Variants in BMPR1B observed in about 807,000 individuals in gnomAD.
The protein encoded by BMPR1B is bone morphogenetic protein receptor type-1B.
A neutral mutation model predicts 59.1 loss-of-function variants in BMPR1B; 12 were observed. That is an observed-to-expected ratio of 0.20 (90% CI 0.13 to 0.33). The LOEUF is 0.33. Among genes scored for constraint, BMPR1B ranks in the 10% least tolerant of loss-of-function variants. The probability of loss-of-function intolerance (pLI) is 1.00; values close to 1 mark genes in which losing one functional copy is unlikely to be tolerated. For synonymous variants in BMPR1B, 237 were observed against 207.3 expected (o/e 1.14, Z -1.23); for missense variants, 550 against 610.9 (o/e 0.90, Z 1.05).
intron 2 of BMPR1B, among the ~76,000 whole-genome samples, chr4:94,987,110 TATATAA>T (rs1721463410): frequency 1.5e-3 from 1 of 688 alleles, no homozygotes; most frequent in African/African-American, 3.7e-3. Context: ...TATATATGTA[TATATAA>T]TATGTATATA....
intron 3 of BMPR1B, among the ~76,000 whole-genome samples, chr4:95,056,172 G>T (rs1255707909): frequency 6.6e-6 from 1 of 151,998 alleles, no homozygotes; most frequent in African/African-American, 2.4e-5. Flanking sequence ...GGTCCAGATG[G>T]CCTCTTTTGG....
At chr4:94,938,837 G>T (rs1189268286) in intron 2 of BMPR1B, among the ~76,000 whole-genome samples, 1 of 151,898 alleles carries the variant, frequency 6.6e-6, no homozygotes, top group Non-Finnish European at 1.5e-5. Context: ...CAGACCCTGT[G>T]TCTACAATTT....
At chr4:94,784,461 T>A (rs1170074156) in intron 1 of BMPR1B, among the ~76,000 whole-genome samples, 1 of 152,210 alleles carries the variant, frequency 6.6e-6, no homozygotes, top group Admixed American at 6.5e-5. Context: ...CCTGTTTCTA[T>A]TTGAATAGTT....
intron 3 of BMPR1B, among the ~76,000 whole-genome samples, chr4:95,015,152 C>T (rs1453632708): frequency 6.6e-6 from 1 of 152,124 alleles, no homozygotes; most frequent in East Asian, 1.9e-4. Flanking sequence ...CACCTCAGCA[C>T]CCATAAACAT....
chr4:95,048,409 A>C (rs897196263), intron 3 of BMPR1B, among the ~76,000 whole-genome samples: 1 of 152,206 alleles, frequency 6.6e-6, no homozygotes, highest in Admixed American at 6.5e-5. Context: ...ACTAATTTAT[A>C]TTCCCACAAG....
chr4:95,086,763 A>G (rs1375762454), intron 3 of BMPR1B, among the ~76,000 whole-genome samples: 3 of 141,912 alleles, frequency 2.1e-5, no homozygotes, highest in Non-Finnish European at 3.2e-5. Flanking sequence ...ATGTGTCGGT[A>G]GAGAGATCAG....
intron 3 of BMPR1B, among the ~76,000 whole-genome samples, chr4:95,027,273 TA>T (rs1724494786): frequency 1.3e-5 from 2 of 152,204 alleles, no homozygotes; most frequent in African/African-American, 4.8e-5. Flanking sequence ...GTATTTTATT[TA>T]AAAATAAAGT....
intron 1 of BMPR1B, among the ~76,000 whole-genome samples, chr4:94,829,243 T>G (rs1413349704): frequency 1.3e-5 from 2 of 152,178 alleles, no homozygotes; most frequent in Admixed American, 6.5e-5. Context: ...TTCTTTAAGC[T>G]TTCTCTCTCA....
chr4:94,849,339 G>A (rs1578717617), intron 1 of BMPR1B, among the ~76,000 whole-genome samples: 1 of 152,118 alleles, frequency 6.6e-6, no homozygotes, highest in Non-Finnish European at 1.5e-5. Context: ...GTCAACGGGT[G>A]CCCTTGACAA....
chr4:94,787,534 A>G (rs1722805655), intron 1 of BMPR1B, among the ~76,000 whole-genome samples: 1 of 152,118 alleles, frequency 6.6e-6, no homozygotes, highest in South Asian at 2.1e-4. Context: ...TCGCCAGTTT[A>G]TTACACTTAG....
intron 1 of BMPR1B, among the ~76,000 whole-genome samples, chr4:94,759,333 C>T (rs1721667370): frequency 6.6e-6 from 1 of 152,184 alleles, no homozygotes; most frequent in African/African-American, 2.4e-5. Flanking sequence ...TTACCTGCAG[C>T]AAAGCAGAGC....
At chr4:94,839,630 C>T (rs1724969869) in intron 1 of BMPR1B, among the ~76,000 whole-genome samples, 1 of 147,828 alleles carries the variant, frequency 6.8e-6, no homozygotes, top group South Asian at 2.2e-4. Flanking sequence ...TTCCTCCATC[C>T]TTTTATTTTG....
At chr4:95,047,663 T>C (rs1726150533) in intron 3 of BMPR1B, among the ~76,000 whole-genome samples, 1 of 152,200 alleles carries the variant, frequency 6.6e-6, no homozygotes, top group African/African-American at 2.4e-5. Flanking sequence ...AAGGGTGGGG[T>C]TGATTAAGCT....
chr4:95,089,130 A>G (rs1729799687), intron 3 of BMPR1B, among the ~76,000 whole-genome samples: 1 of 152,094 alleles, frequency 6.6e-6, no homozygotes, highest in African/African-American at 2.4e-5. Context: ...TTCTTAACTC[A>G]CTCTGATAAT....
Position 95,120,610 on chromosome 4 carries a change from T to TGCCCTTCCTTCCTTCCTTCCTTCCTTCC in BMPR1B, c.350-3200_350-3199insGCCCTTCCTTCCTTCCTTCCTTCCTTCC, listed in dbSNP as rs1553940471. On this transcript the variant is annotated intron_variant, in intron 6 of 12. Coordinates refer to ENST00000515059, the MANE Select transcript of BMPR1B (RefSeq NM_001203.3). ...ACAAAAAATCAGTCAATAGCCTGCC[T>TGCCCTTCCTTCCTTCCTTCCTTCCTTCC]TTCCTTCCTTCCTTCCTTCCTTCCT... is the stretch of plus-strand genomic sequence containing the variant. Among the ~76,000 whole-genome samples, 3 of 122,586 alleles carry TGCCCTTCCTTCCTTCCTTCCTTCCTTCC rather than the reference T, an allele frequency of 2.4e-5. No homozygotes were observed. In the Admixed American group the frequency reaches 2.6e-4, roughly 11 times the overall value. The allele number at this position is 122,586 out of a possible 152,430, so 80.4% of individuals were successfully genotyped here.
At chr4:94,803,326 C>G (rs910936532) in intron 1 of BMPR1B, among the ~76,000 whole-genome samples, 2 of 152,240 alleles carry the variant, frequency 1.3e-5, no homozygotes, top group Admixed American at 1.3e-4. Flanking sequence ...AGTAATCTGG[C>G]ACTGTTCAGG....
intron 2 of BMPR1B, among the ~76,000 whole-genome samples, chr4:94,912,755 G>A (rs1728327956): frequency 6.6e-6 from 1 of 152,120 alleles, no homozygotes; most frequent in African/African-American, 2.4e-5. Context: ...CCTCACAGGT[G>A]ATTCTGGTAT....
chr4:95,016,512 A>G (rs540410034), intron 3 of BMPR1B, among the ~76,000 whole-genome samples: 34 of 152,372 alleles, frequency 2.2e-4, no homozygotes, highest in African/African-American at 7.2e-4. Context: ...ATTTGGGAGT[A>G]GTATTAAGGA....
chr4:95,042,352 G>T (rs1310305023), intron 3 of BMPR1B, among the ~76,000 whole-genome samples: 2 of 152,140 alleles, frequency 1.3e-5, no homozygotes, highest in Admixed American at 1.3e-4. Context: ...CAAACAGATT[G>T]TAAGAGTCGC....
Sources: allele counts gnomAD v4.1 joint callset (sites outside exome capture counted in the v4.1 genomes callset), GRCh38; gene constraint gnomAD v4.1.1; transcripts MANE v1.5; gene names NCBI Gene and HGNC (gene_info 2026-07-23, HGNC 2026-07-21).